The following ENTPD6 variants were observed in gnomAD, a reference collection of about 807,000 sequenced individuals.
The protein encoded by ENTPD6 is CD39 antigen-like 2.
ENTPD6 carries 46 observed loss-of-function variants against 61.5 expected under a neutral mutation model. The observed-to-expected ratio is 0.75, with a 90% confidence interval of 0.59 to 0.96. ENTPD6 has a LOEUF of 0.96. Ranked by LOEUF, ENTPD6 falls within the 40% of genes least tolerant of loss-of-function variation. ENTPD6 has a pLI of 0.00. For synonymous variants in ENTPD6, 252 were observed against 255.5 expected, an observed-to-expected ratio of 0.99 and a Z score of 0.13; for missense variants, 612 against 629.0, an observed-to-expected ratio of 0.97 and a Z score of 0.29.
chr20:25,213,447 G>T, intron 5 of ENTPD6, 41 bp downstream of exon 5: 1 of 1,541,498 alleles, frequency 6.5e-7, no homozygotes, highest in Non-Finnish European at 8.7e-7. Context: ...CCAGCCCTCA[G>T]GGGCAACTGA....
intron 3 of ENTPD6, among the ~76,000 whole-genome samples, chr20:25,207,734 T>G (rs2091633768): frequency 6.6e-6 from 1 of 152,076 alleles, no homozygotes; most frequent in Non-Finnish European, 1.5e-5. Context: ...GCAGGAAGTA[T>G]CCCCAGATTC....
At chr20:25,205,335 G>T (rs993712334) in intron 1 of ENTPD6, among the ~76,000 whole-genome samples, 28 of 152,188 alleles carry the variant, frequency 1.8e-4, no homozygotes, top group African/African-American at 6.5e-4. Flanking sequence ...TTCAGTGGAG[G>T]TTTCAGAATG....
chr20:25,198,399 TG>T (rs1344619195), intron 1 of ENTPD6, among the ~76,000 whole-genome samples: 1 of 151,968 alleles, frequency 6.6e-6, no homozygotes, highest in East Asian at 1.9e-4. Context: ...TTGCTTAACC[TG>T]GGAGGCAGAG....
intron 9 of ENTPD6, 110 bp downstream of exon 9, chr20:25,217,691 G>C: frequency 2.2e-6 from 2 of 925,076 alleles, no homozygotes; most frequent in South Asian, 2.8e-5. Context: ...GAATCCCTGT[G>C]CTGGGAATCC....
At position 25,197,115 on chromosome 20, in the gene ENTPD6, A is replaced by C. The variant is rs1000669678; in HGVS notation, c.-16+1248A>C. 12 of 985,332 alleles carry C rather than the reference A, an allele frequency of 1.2e-5. No individual in the cohort carries two copies. The Admixed American group carries it at 7.4e-4, about 61-fold the overall frequency. The allele number at this position is 985,332 out of a possible 1,614,324, so 61.0% of individuals were successfully genotyped here. A position where few individuals can be genotyped will look rare whatever the true frequency, so the allele number is the denominator to read the frequency against. On this transcript the variant is annotated intron_variant, in intron 1 of 14. Transcript: ENST00000376652. ...CATTTTTTGATACAGCGTGCATGGC[A>C]GGCATTTGCATTCATGACCCTTCCG...
chr20:25,197,662 G>A (rs1469824940), intron 1 of ENTPD6, among the ~76,000 whole-genome samples: 1 of 152,220 alleles, frequency 6.6e-6, no homozygotes, highest in East Asian at 1.9e-4. Context: ...ACATGGAGAT[G>A]ACCTGTTCCT....
intron 10 of ENTPD6, among the ~76,000 whole-genome samples, chr20:25,219,153 T>A (rs561216802): frequency 6.6e-6 from 1 of 152,354 alleles, no homozygotes; most frequent in East Asian, 1.9e-4. Flanking sequence ...AGTGCTGGGA[T>A]TACAGGCATG....
chr20:25,225,216 CT>C lies in ENTPD6; in HGVS notation c.1256del (p.Leu419ArgfsTer33), dbSNP rs765650655. 17 of 1,613,032 alleles carry C rather than the reference CT, an allele frequency of 1.1e-5. No homozygotes were observed. The highest frequency in any genetic ancestry group is 1.3e-5 in the Non-Finnish European group (15 of 1,179,696). On this transcript the variant is annotated frameshift_variant, in exon 14 of 15. Transcript: ENST00000376652. LOFTEE classifies it high-confidence loss of function. ...EIAAKYVCRT[L>X]ETQPQSSPFS... ...TGTCTCATCCCCAGTGTGTCGGACC[CT>C]GGAGACACAGCCGCAGAGCAGCCCC...
intron 1 of ENTPD6, among the ~76,000 whole-genome samples, chr20:25,203,821 T>C (rs566817243): frequency 2.9e-4 from 44 of 152,336 alleles, no homozygotes; most frequent in Admixed American, 7.8e-4. Context: ...TGTGATTTTT[T>C]TGCTGAACAT....
chr20:25,217,456 T>C, intron 8 of ENTPD6, 46 bp from the exon 9 acceptor site: 2 of 1,575,240 alleles, frequency 1.3e-6, no homozygotes, highest in Non-Finnish European at 1.7e-6. Context: ...AGGAGAATTT[T>C]CTAGAAAGAC....
intron 3 of ENTPD6, among the ~76,000 whole-genome samples, chr20:25,209,114 A>ATTTTTT (rs750843229): frequency 1.1e-5 from 1 of 87,620 alleles, no homozygotes; most frequent in African/African-American, 4.0e-5. Context: ...ATTTTTATTT[A>ATTTTTT]ATTTTTTTTT....
chr20:25,202,989 A>G (rs2091165823), intron 1 of ENTPD6, among the ~76,000 whole-genome samples: 2 of 152,190 alleles, frequency 1.3e-5, no homozygotes, highest in African/African-American at 2.4e-5. Flanking sequence ...ATCTTTTATT[A>G]ATCTGGAAGT....
Position 25,225,567 on chromosome 20 carries a change from C to G in ENTPD6, c.1425C>G (p.Ser475=). 3 of 1,614,088 alleles carry G rather than the reference C, an allele frequency of 1.9e-6. No homozygotes were observed. The highest frequency in any genetic ancestry group is 1.7e-6 in the Non-Finnish European group (2 of 1,179,954). ...GGGCCATTTTTCATTACATCGACTC[C>G]CTGAACAGACAGAAGAGTCCAGCCT... ...ALGAIFHYID[S]LNRQKSPAS The change falls in exon 15 of 15, where the codon TCC becomes TCG. Residue 475 remains serine, a synonymous_variant. Coordinates refer to ENST00000376652, the MANE Select transcript of ENTPD6 (RefSeq NM_001247.5).
chr20:25,207,045 G>C, intron 2 of ENTPD6, 31 bp from the exon 3 acceptor site: 1 of 1,571,574 alleles, frequency 6.4e-7, no homozygotes, highest in Non-Finnish European at 8.7e-7. Flanking sequence ...ACCCTAACGT[G>C]CTTTTCCTGC....
In ENTPD6 at chr20:25,214,950, G is replaced by A; in HGVS notation, c.673+8G>A. The A allele has an allele frequency of 6.3e-7, 1 of 1,597,480 alleles. No homozygotes were observed. The highest frequency in any genetic ancestry group is 1.3e-5 in the African/African-American group (1 of 74,624). On this transcript the variant is annotated splice_region_variant and intron_variant, in intron 6 of 14. Transcript: ENST00000376652. Reference sequence around the variant, plus strand: ...TGAACGGAACAGATGAAGGTAAATGGCTGGAAGCACCTCTGTACAGTGGGG... The same window carrying A: ...TGAACGGAACAGATGAAGGTAAATGACTGGAAGCACCTCTGTACAGTGGGG...
At chr20:25,207,759 C>T (rs2091635378) in intron 3 of ENTPD6, among the ~76,000 whole-genome samples, 1 of 152,172 alleles carries the variant, frequency 6.6e-6, no homozygotes, top group Admixed American at 6.5e-5. Context: ...CCATGGGAGC[C>T]AGAAAATCAG....
intron 4 of ENTPD6, among the ~76,000 whole-genome samples, chr20:25,210,522 G>C (rs1386647557): frequency 6.6e-6 from 1 of 152,170 alleles, no homozygotes; most frequent in Admixed American, 6.5e-5. Flanking sequence ...GTACACACCT[G>C]TCATCCCAGC....
intron 4 of ENTPD6, among the ~76,000 whole-genome samples, chr20:25,210,679 C>G (rs2091900866): frequency 6.6e-6 from 1 of 152,160 alleles, no homozygotes; most frequent in Non-Finnish European, 1.5e-5. Context: ...CAGTGGCTCA[C>G]GCCTGTAATC....
chr20:25,205,522 G>A (rs1196738677), intron 1 of ENTPD6, among the ~76,000 whole-genome samples: 2 of 152,076 alleles, frequency 1.3e-5, no homozygotes, highest in African/African-American at 2.4e-5. Flanking sequence ...GCAGGGACAG[G>A]GGCCGGCAGG....
Sources: gnomAD v4.1 joint callset for allele counts (sites outside exome capture counted in the v4.1 genomes callset) on GRCh38, gnomAD v4.1.1 for gene constraint, MANE v1.5 for transcripts, NCBI Gene and HGNC (gene_info 2026-07-23, HGNC 2026-07-21) for gene names.